The following C4orf50 variants were observed in gnomAD, a reference collection of about 807,000 sequenced individuals.
C4orf50 encodes chromosome 4 open reading frame 50.
A neutral mutation model predicts 77.2 loss-of-function variants in C4orf50; 80 were observed. The ratio of observed to expected loss-of-function variants is 1.04; its 90% CI spans 0.87 to 1.25. The LOEUF is 1.25. C4orf50 is among the 50% of genes most tolerant of loss of function. C4orf50 has a pLI of 0.00. For synonymous variants in C4orf50, 532 were observed against 465.3 expected (o/e 1.14, Z -1.84); for missense variants, 1,257 against 1,152.9 (o/e 1.09, Z -1.31).
intron 33 of C4orf50, among the ~76,000 whole-genome samples, chr4:5,962,070 C>T (rs1560566641): frequency 6.6e-6 from 1 of 152,152 alleles, no homozygotes; most frequent in African/African-American, 2.4e-5. Context: ...TGGACAGAAC[C>T]AAGACTGCAG....
intron 7 of C4orf50, among the ~76,000 whole-genome samples, chr4:5,930,767 T>C (rs1331627274): frequency 6.6e-6 from 1 of 152,152 alleles, no homozygotes; most frequent in African/African-American, 2.4e-5. Context: ...CCAGTGTGCG[T>C]CTCCCCTGGG....
At chr4:5,996,427 GC>G (rs1227259437) in intron 25 of C4orf50, among the ~76,000 whole-genome samples, 1 of 151,986 alleles carries the variant, frequency 6.6e-6, no homozygotes. Context: ...ACCCCCGCCG[GC>G]CTCACTGCCC....
intron 7 of C4orf50, among the ~76,000 whole-genome samples, chr4:5,914,737 A>T (rs1716960543): frequency 6.6e-6 from 1 of 152,228 alleles, no homozygotes; most frequent in South Asian, 2.1e-4. Context: ...ATTCTATAGC[A>T]TTAAAGTTAT....
intron 25 of C4orf50, among the ~76,000 whole-genome samples, chr4:5,999,768 G>C (rs1313060211): frequency 6.6e-6 from 1 of 152,136 alleles, no homozygotes; most frequent in East Asian, 1.9e-4. Context: ...GTCACCTCGG[G>C]GGCACTGAGC....
chr4:6,004,435 A>G (rs114318061), intron 25 of C4orf50, among the ~76,000 whole-genome samples: 1 of 109,774 alleles, frequency 9.1e-6, no homozygotes, highest in African/African-American at 3.6e-5. Flanking sequence ...GATGGTGGTG[A>G]TGATGTGATG....
rs149035173 is a variant in C4orf50, at chr4:6,003,320, A to C, written c.963+4676T>G. Among the ~76,000 whole-genome samples, 32 of 152,342 alleles carry C rather than the reference A, an allele frequency of 2.1e-4. 1 individual carries two copies. The East Asian group carries it at 5.8e-3, about 28-fold the overall frequency. On this transcript the variant is annotated intron_variant, in intron 25 of 33. Transcript: ENST00000531445. ...CCAGGATAAGCCCTCAGGAAAAATAAATAAAAAGTCAAGAGAGAGAAAATT... is the reference window on the plus strand; with the variant it reads ...CCAGGATAAGCCCTCAGGAAAAATACATAAAAAGTCAAGAGAGAGAAAATT...
At position 5,958,252 on chromosome 4, in the gene C4orf50, G is replaced by T. The variant is rs574085440; in HGVS notation, c.*1123C>A. 3.3e-5 allele frequency: 5 copies of T among 151,874 alleles called. No homozygotes were observed. The highest frequency in any genetic ancestry group is 7.3e-5 in the Non-Finnish European group (5 of 68,042). 9.4% of individuals were successfully genotyped at this position (151,874 alleles called of 1,614,324 possible). On this transcript the variant is annotated 3_prime_UTR_variant, in exon 34 of 34. Coordinates refer to ENST00000531445, the Ensembl canonical transcript of C4orf50. This position sits in a 1 kb window ranked among gnomAD's most constrained non-coding sequence, Gnocchi z 5.4. ...CTCAGGATAGAAGTGCTCTTCTCCTGGGTCGCCCACCTGATTCGGGGCACG... is the reference window on the plus strand; with the variant it reads ...CTCAGGATAGAAGTGCTCTTCTCCTTGGTCGCCCACCTGATTCGGGGCACG...
chr4:5,918,075 C>A (rs1426978543), intron 7 of C4orf50, among the ~76,000 whole-genome samples: 1 of 152,204 alleles, frequency 6.6e-6, no homozygotes, highest in Non-Finnish European at 1.5e-5. Flanking sequence ...GCTGTCACTT[C>A]TGCTGTCAGG....
Position 6,015,474 on chromosome 4 carries a change from C to T in C4orf50, c.287+2671G>A, listed in dbSNP as rs1722647858. On this transcript the variant is annotated intron_variant, in intron 23 of 33. Coordinates refer to ENST00000531445, the Ensembl canonical transcript of C4orf50. This position sits in a 1 kb window ranked among gnomAD's most constrained non-coding sequence, Gnocchi z 4.4. ...GTGAGAAAATAAGTTTTTGTTAAGT[C>T]ACCCAGGTCTGCAAATAATGCCATT... 6.6e-6 allele frequency among the ~76,000 whole-genome samples: 1 copy of T among 151,754 alleles called. No individual in the cohort carries two copies. Among genetic ancestry groups the T allele is most frequent in the African/African-American group, 2.4e-5 (1 of 41,280 alleles).
chr4:5,918,118 GC>G (rs1266360731), intron 7 of C4orf50, among the ~76,000 whole-genome samples: 4 of 152,088 alleles, frequency 2.6e-5, no homozygotes, highest in Non-Finnish European at 5.9e-5. Context: ...GAAACAGTAG[GC>G]CCCCCAAACT....
chr4:5,935,321 G>A (rs1488882048), intron 7 of C4orf50, among the ~76,000 whole-genome samples: 1 of 152,194 alleles, frequency 6.6e-6, no homozygotes, highest in Non-Finnish European at 1.5e-5. Context: ...GTAACAGGGG[G>A]AATTAGAAGA....
At chr4:5,951,137 C>T (rs1718695552) in intron 7 of C4orf50, among the ~76,000 whole-genome samples, 1 of 152,228 alleles carries the variant, frequency 6.6e-6, no homozygotes, top group South Asian at 2.1e-4. Flanking sequence ...CGTCGAGAGT[C>T]CCCTCATTCT....
intron 28 of C4orf50, among the ~76,000 whole-genome samples, chr4:5,985,244 G>A (rs961638739): frequency 3.9e-5 from 6 of 151,984 alleles, no homozygotes; most frequent in Non-Finnish European, 7.4e-5. Context: ...ACAGTTCTTA[G>A]GGCAAAAGGA....
At chr4:5,942,306 A>G (rs977780915) in intron 7 of C4orf50, among the ~76,000 whole-genome samples, 1 of 152,212 alleles carries the variant, frequency 6.6e-6, no homozygotes, top group African/African-American at 2.4e-5. Flanking sequence ...GCACAGTCCA[A>G]GGGCTTGGGG....
intron 7 of C4orf50, among the ~76,000 whole-genome samples, chr4:5,924,551 G>A (rs1008614835): frequency 6.6e-6 from 1 of 152,296 alleles, no homozygotes; most frequent in Non-Finnish European, 1.5e-5. Flanking sequence ...CTGGCCCCGA[G>A]CATGAGCCGC....
At chr4:5,980,451 T>C (rs1720521002) in intron 28 of C4orf50, 113 bp from the exon 7 acceptor site, 24 of 931,110 alleles carry the variant, frequency 2.6e-5, no homozygotes, top group South Asian at 2.1e-4. Context: ...TTGTTGTTGT[T>C]GTTTTCCTGC....
chr4:6,002,226 G>A (rs1394324361), intron 25 of C4orf50, among the ~76,000 whole-genome samples: 1 of 152,178 alleles, frequency 6.6e-6, no homozygotes, highest in Non-Finnish European at 1.5e-5. Context: ...AAGAGAAAAT[G>A]GAGGCAGAAA....
rs192871079 is a variant in C4orf50 at position 5,992,055 on chromosome 4, C to T, written c.1221+748G>A. ...GTGTGACCTTGAGCAAGTTCCTTAA[C>T]CTGCTGGAGCCTCAGCCACCTCACC... On this transcript the variant is annotated intron_variant, in intron 27 of 33. Transcript: ENST00000531445. This position sits in a 1 kb window ranked among gnomAD's most constrained non-coding sequence, Gnocchi z 5.0. Among the ~76,000 whole-genome samples, 1 of 152,202 alleles carries T rather than the reference C, an allele frequency of 6.6e-6. No individual in the cohort carries two copies. Among genetic ancestry groups the T allele is most frequent in the African/African-American group, 2.4e-5 (1 of 41,446 alleles).
intron 7 of C4orf50, among the ~76,000 whole-genome samples, chr4:5,936,311 C>T (rs201712631): frequency 6.6e-6 from 1 of 152,022 alleles, no homozygotes; most frequent in African/African-American, 2.4e-5. Flanking sequence ...CCTGTAATCC[C>T]AGCACTTTGG....
Sources: gnomAD v4.1 joint callset for allele counts (sites outside exome capture counted in the v4.1 genomes callset) on GRCh38, gnomAD v4.1.1 for gene constraint, Gnocchi (gnomAD v3.1) non-coding constraint, MANE v1.5 for transcripts, NCBI Gene and HGNC (gene_info 2026-07-23, HGNC 2026-07-21) for gene names.